Variants in POLH observed in about 807,000 individuals in gnomAD.
POLH encodes DNA polymerase eta.
A neutral mutation model predicts 73.6 loss-of-function variants in POLH; 53 were observed. The ratio of observed to expected loss-of-function variants is 0.72; its 90% CI spans 0.58 to 0.91. POLH has a LOEUF of 0.91. POLH is among the 40% of genes least tolerant of loss of function. The pLI is 0.00. For missense variants in POLH, 768 were observed against 865.4 expected, an observed-to-expected ratio of 0.89 and a Z score of 1.41; for synonymous variants, 292 against 308.5, an observed-to-expected ratio of 0.95 and a Z score of 0.56.
chr6:43,576,526 T>A (rs1763357171), intron 1 of POLH, 86 bp downstream of exon 1: 1 of 152,228 alleles, frequency 6.6e-6, no homozygotes, highest in Non-Finnish European at 1.5e-5. Context: ...TAGCAGTGAC[T>A]GGGCCAAGGT....
intron 10 of POLH, among the ~76,000 whole-genome samples, chr6:43,613,450 TC>T (rs2127821227): frequency 6.6e-6 from 1 of 152,296 alleles, no homozygotes; most frequent in Admixed American, 6.5e-5. Flanking sequence ...TTCTCTGTCA[TC>T]CCAGGTCTGT....
At chr6:43,598,012 AG>A in intron 5 of POLH, 147 bp downstream of exon 5, 1 of 727,388 alleles carries the variant, frequency 1.4e-6, no homozygotes, top group South Asian at 1.5e-5. Flanking sequence ...CAGGAGTTGA[AG>A]AGCAGCCTGG....
intron 9 of POLH, among the ~76,000 whole-genome samples, chr6:43,608,535 C>T (rs1767542411): frequency 1.3e-5 from 2 of 151,924 alleles, no homozygotes; most frequent in Admixed American, 1.3e-4. Flanking sequence ...ACTTTTTTTT[C>T]CTAAGAGACA....
intron 9 of POLH, among the ~76,000 whole-genome samples, chr6:43,609,817 T>C (rs1458856922): frequency 2.6e-5 from 4 of 152,156 alleles, no homozygotes; most frequent in Non-Finnish European, 4.4e-5. Flanking sequence ...ATTGTAGATA[T>C]TTGTTATAAT....
At chr6:43,577,621 TC>T (rs747931022) in intron 1 of POLH, among the ~76,000 whole-genome samples, 11 of 152,224 alleles carry the variant, frequency 7.2e-5, no homozygotes, top group Non-Finnish European at 1.5e-4. Context: ...GTTTTTTTTT[TC>T]AAGGTGAATG....
rs969996508 is a variant in POLH, at chr6:43,618,329, T to C, written c.*3772T>C. Among the ~76,000 whole-genome samples, 1 of 152,082 alleles carries C rather than the reference T, an allele frequency of 6.6e-6. No individual in the cohort carries two copies. The highest frequency in any genetic ancestry group is 1.5e-5 in the Non-Finnish European group (1 of 68,006). On this transcript the variant is annotated 3_prime_UTR_variant, in exon 11 of 11. Transcript: ENST00000372236. ...CACCACCATGCCCAGCTAATTTTTG[T>C]ATTTTTAGTAGAGACAGGTTTTCAC...
chr6:43,579,713 T>TGTG (rs1491170158), intron 1 of POLH, among the ~76,000 whole-genome samples: 1 of 152,118 alleles, frequency 6.6e-6, no homozygotes, highest in Non-Finnish European at 1.5e-5. Flanking sequence ...GGGGCAGTCT[T>TGTG]GTGGGACTGA....
At chr6:43,607,968 T>C (rs1767481448) in intron 9 of POLH, among the ~76,000 whole-genome samples, 1 of 152,106 alleles carries the variant, frequency 6.6e-6, no homozygotes, top group African/African-American at 2.4e-5. Context: ...CTGTCTCTAC[T>C]AAAAATACAA....
intron 4 of POLH, among the ~76,000 whole-genome samples, chr6:43,592,876 C>G (rs1007004258): frequency 6.6e-6 from 1 of 151,834 alleles, no homozygotes; most frequent in Non-Finnish European, 1.5e-5. Context: ...TTTCTTAATT[C>G]ATTTCTTTAT....
At chr6:43,598,401 T>G (rs1582298688) in intron 5 of POLH, among the ~76,000 whole-genome samples, 1 of 150,792 alleles carries the variant, frequency 6.6e-6, no homozygotes, top group Non-Finnish European at 1.5e-5. Context: ...CTGAGGCAGG[T>G]GGATCACCTG....
chr6:43,593,472 G>C (rs1439415062), intron 4 of POLH, among the ~76,000 whole-genome samples: 1 of 152,220 alleles, frequency 6.6e-6, no homozygotes, highest in Non-Finnish European at 1.5e-5. Context: ...ATTGGTGTGA[G>C]AAAATACGTA....
rs1157015069 is a variant in POLH at position 43,587,460 on chromosome 6, C to G, written c.461C>G (p.Pro154Arg). The G allele has an allele frequency of 6.2e-7, 1 of 1,613,996 alleles. No homozygotes were observed. The highest frequency in any genetic ancestry group is 8.5e-7 in the Non-Finnish European group (1 of 1,179,860). ...STYIEGLPQG[P>R]TTAEETVQKE... The stretch of plus-strand genomic sequence containing the variant: ...TACATTGAAGGGTTGCCCCAAGGCC[C>G]TACAACGGCAGAAGAGACTGTTCAG... Residue 154 changes from proline (P) to arginine (R), a missense_variant, in exon 4 of 11, where the codon CCT (proline) becomes CGT (arginine). Transcript: ENST00000372236.
intron 5 of POLH, among the ~76,000 whole-genome samples, chr6:43,599,099 C>T (rs1337295662): frequency 1.3e-5 from 2 of 151,108 alleles, no homozygotes; most frequent in Admixed American, 6.6e-5. Flanking sequence ...GGTGATTCTC[C>T]TGCCTCAGCC....
rs73428610 is a variant in POLH at position 43,601,208 on chromosome 6, G to C, written c.764+117G>C. The stretch of plus-strand genomic sequence containing the variant: ...AGCCAGGGGAAATACATACCAGGCA[G>C]TTAGAAGGAAAACAACACAGAACAT... On this transcript the variant is annotated intron_variant, in intron 6 of 10. Transcript: ENST00000372236. 1,151 of 751,548 alleles carry C rather than the reference G, an allele frequency of 1.5e-3. 11 individuals are homozygous for C. In the African/African-American group the frequency reaches 0.016, roughly 10 times the overall value. 46.6% of individuals were successfully genotyped at this position (751,548 alleles called of 1,614,324 possible).
At position 43,616,889 on chromosome 6, in the gene POLH, A is replaced by G. The variant is rs1243003599; in HGVS notation, c.*2332A>G. ...AGTTCAGGAACTCTGTTTAGATCTG[A>G]TAAGTCATAATCAAATCTTGCCAGG... On this transcript the variant is annotated 3_prime_UTR_variant, in exon 11 of 11. Transcript: ENST00000372236. Among the ~76,000 whole-genome samples, 2 of 152,224 alleles carry G rather than the reference A, an allele frequency of 1.3e-5. No homozygotes were observed. The highest frequency in any genetic ancestry group is 3.8e-4 in the East Asian group (2 of 5,200).
Position 43,618,218 on chromosome 6 carries a change from C to T in POLH, c.*3661C>T, listed in dbSNP as rs1480282908. On this transcript the variant is annotated 3_prime_UTR_variant, in exon 11 of 11. Transcript: ENST00000372236. Reference sequence around the variant, plus strand: ...GTAGCCAGGCTGGAGTGCAGTGGTGCAATCTTGGCTCACTGCAACCTCCGT... The same window carrying T: ...GTAGCCAGGCTGGAGTGCAGTGGTGTAATCTTGGCTCACTGCAACCTCCGT... 1.3e-5 allele frequency among the ~76,000 whole-genome samples: 2 copies of T among 151,854 alleles called. No individual in the cohort carries two copies. Among genetic ancestry groups the T allele is most frequent in the Admixed American group, 6.6e-5 (1 of 15,210 alleles).
Position 43,587,355 on chromosome 6 carries a change from T to C in POLH, c.356T>C (p.Val119Ala), listed in dbSNP as rs759875951. ...IERASIDEAYVDLTSAVQERL... is the reference protein window; with the variant it reads ...IERASIDEAYADLTSAVQERL... ...CGTGCCAGCATTGATGAGGCTTACG[T>C]AGATCTGACCAGTGCTGTACAAGAG... The change falls in exon 4 of 11, where the codon GTA (valine) becomes GCA (alanine). Residue 119 changes from valine to alanine, a missense_variant. Transcript: ENST00000372236. 6 of 1,614,148 alleles carry C rather than the reference T, an allele frequency of 3.7e-6. No homozygotes were observed. Among genetic ancestry groups the C allele is most frequent in the Non-Finnish European group, 5.1e-6 (6 of 1,179,940 alleles).
intron 1 of POLH, among the ~76,000 whole-genome samples, chr6:43,581,566 G>T (rs1166016071): frequency 4.0e-5 from 6 of 150,152 alleles, no homozygotes; most frequent in Non-Finnish European, 7.4e-5. Flanking sequence ...CCTCGGGCCC[G>T]CGGGGCCCGT....
At chr6:43,578,517 T>C in intron 1 of POLH, 1 of 347,778 alleles carries the variant, frequency 2.9e-6, no homozygotes, top group Non-Finnish European at 5.5e-6. Context: ...AGAGCGAGAC[T>C]TTGTCTCAAA....
Sources: allele counts gnomAD v4.1 joint callset (sites outside exome capture counted in the v4.1 genomes callset), GRCh38; gene constraint gnomAD v4.1.1; transcripts MANE v1.5; gene names NCBI Gene and HGNC (gene_info 2026-07-23, HGNC 2026-07-21).